The following ADCY8 variants were observed in gnomAD, a reference collection of about 807,000 sequenced individuals.
ADCY8 encodes adenylate cyclase type 8.
In ADCY8, 51 loss-of-function variants were observed where a neutral mutation model predicts 119.7. That is an observed-to-expected ratio of 0.43 (90% CI 0.34 to 0.54). ADCY8 has a LOEUF of 0.54. Among genes scored for constraint, ADCY8 ranks in the 20% least tolerant of loss-of-function variants. ADCY8 has a pLI of 0.03. For missense variants in ADCY8, 1,383 were observed against 1,598.8 expected (o/e 0.87, Z 2.30); for synonymous variants, 665 against 651.0 (o/e 1.02, Z -0.33).
intron 15 of ADCY8, among the ~76,000 whole-genome samples, chr8:130,790,537 C>T (rs1815393746): frequency 6.6e-6 from 1 of 152,218 alleles, no homozygotes; most frequent in Non-Finnish European, 1.5e-5. Flanking sequence ...CCCTCCTCAA[C>T]TTTCTAAATA....
At chr8:130,959,975 A>C (rs1821549288) in intron 2 of ADCY8, among the ~76,000 whole-genome samples, 1 of 152,194 alleles carries the variant, frequency 6.6e-6, no homozygotes, top group South Asian at 2.1e-4. Context: ...GATTTTTTTC[A>C]ACATCATTCC....
chr8:130,783,342 A>C (rs1815146163), intron 17 of ADCY8, among the ~76,000 whole-genome samples: 1 of 152,220 alleles, frequency 6.6e-6, no homozygotes, highest in Admixed American at 6.5e-5. Context: ...GCATTGAGCT[A>C]CCCAGGAGTC....
intron 1 of ADCY8, among the ~76,000 whole-genome samples, chr8:130,999,268 C>G (rs1822870553): frequency 6.6e-6 from 1 of 152,150 alleles, no homozygotes; most frequent in Non-Finnish European, 1.5e-5. Flanking sequence ...AGTTGTCACT[C>G]TGAGGTGAGA....
intron 5 of ADCY8, among the ~76,000 whole-genome samples, chr8:130,932,722 A>C (rs933827362): frequency 6.6e-6 from 1 of 152,164 alleles, no homozygotes; most frequent in Non-Finnish European, 1.5e-5. Flanking sequence ...GAATAATCAC[A>C]AGAGAGTCCT....
chr8:130,871,811 C>T (rs1818369112), intron 8 of ADCY8, among the ~76,000 whole-genome samples: 1 of 152,084 alleles, frequency 6.6e-6, no homozygotes, highest in Admixed American at 6.5e-5. Flanking sequence ...ATTCCCCTTG[C>T]TTCTTGAAAG....
chr8:130,818,576 T>C (rs902284529), intron 13 of ADCY8, among the ~76,000 whole-genome samples: 7 of 152,230 alleles, frequency 4.6e-5, no homozygotes, highest in Non-Finnish European at 1.0e-4. Flanking sequence ...AGATGTTTAA[T>C]TACACATGCC....
At chr8:130,910,410 G>A (rs1279882228) in intron 5 of ADCY8, among the ~76,000 whole-genome samples, 3 of 151,960 alleles carry the variant, frequency 2.0e-5, no homozygotes, top group Non-Finnish European at 2.9e-5. Flanking sequence ...TAGCCCTTCT[G>A]TGACTTAGTT....
intron 2 of ADCY8, among the ~76,000 whole-genome samples, chr8:130,961,680 C>G (rs1821611066): frequency 6.6e-6 from 1 of 152,134 alleles, no homozygotes; most frequent in Non-Finnish European, 1.5e-5. Context: ...ACTACAGATG[C>G]TTGGAAGACA....
intron 15 of ADCY8, among the ~76,000 whole-genome samples, chr8:130,798,701 A>G (rs1430408120): frequency 1.3e-5 from 2 of 152,144 alleles, no homozygotes; most frequent in African/African-American, 4.8e-5. Flanking sequence ...TGTCTAGGAG[A>G]GAAATAATAT....
intron 5 of ADCY8, among the ~76,000 whole-genome samples, chr8:130,928,649 A>G (rs899784501): frequency 5.3e-5 from 8 of 152,122 alleles, no homozygotes; most frequent in Admixed American, 3.3e-4. Flanking sequence ...GATCCCTTTA[A>G]TGTGCTGTTG....
intron 7 of ADCY8, among the ~76,000 whole-genome samples, chr8:130,893,907 TGTG>T (rs1208509935): frequency 6.6e-6 from 1 of 152,018 alleles, no homozygotes; most frequent in Non-Finnish European, 1.5e-5. Flanking sequence ...TGTGTGTGGT[TGTG>T]GTTGTGTTTT....
chr8:130,872,380 G>C (rs1818399489), intron 8 of ADCY8, among the ~76,000 whole-genome samples: 4 of 152,176 alleles, frequency 2.6e-5, no homozygotes, highest in Admixed American at 6.5e-5. Context: ...ATTGCAAATA[G>C]AGAATCCAGT....
chr8:130,810,501 G>A (rs913872860), intron 14 of ADCY8, among the ~76,000 whole-genome samples: 2 of 152,156 alleles, frequency 1.3e-5, no homozygotes, highest in Non-Finnish European at 2.9e-5. Flanking sequence ...CATAAAGAAA[G>A]TAGGGCATAC....
chr8:130,836,315 G>A lies in ADCY8; in HGVS notation c.2637C>T (p.Gly879=). ...YALLTETVYA[G]LFLRYDNLNH... is the part of the protein sequence containing the mutation. ...TGAGGTTGTCATAACGCAGAAAGAG[G>A]CCTGCGTAGACGGTCTCAGTGAGCA... Residue 879 remains glycine (G), a synonymous_variant, in exon 12 of 18, where the codon GGC becomes GGT. Transcript: ENST00000286355. 6.2e-7 allele frequency: 1 copy of A among 1,613,860 alleles called. No individual in the cohort carries two copies. The highest frequency in any genetic ancestry group is 8.5e-7 in the Non-Finnish European group (1 of 1,179,834).
intron 9 of ADCY8, among the ~76,000 whole-genome samples, chr8:130,864,774 C>T (rs1425147129): frequency 6.6e-6 from 1 of 152,024 alleles, no homozygotes; most frequent in Non-Finnish European, 1.5e-5. Flanking sequence ...TGCACATTGC[C>T]TACTTCTATT....
chr8:130,827,601 C>T (rs1363405284), intron 12 of ADCY8, among the ~76,000 whole-genome samples: 1 of 152,190 alleles, frequency 6.6e-6, no homozygotes, highest in African/African-American at 2.4e-5. Context: ...AGTTTCCTTT[C>T]TCTTCCTTTC....
intron 2 of ADCY8, among the ~76,000 whole-genome samples, chr8:130,983,015 C>T (rs1046042644): frequency 6.6e-6 from 1 of 152,134 alleles, no homozygotes; most frequent in African/African-American, 2.4e-5. Flanking sequence ...AACTGCCTCA[C>T]AAATATATGC....
At position 130,894,877 on chromosome 8, in the gene ADCY8, T is replaced by G. The variant is rs148247888; in HGVS notation, c.1911+8895A>C. On this transcript the variant is annotated intron_variant, in intron 7 of 17. Coordinates refer to ENST00000286355, the MANE Select transcript of ADCY8 (RefSeq NM_001115.3). ...TTGAAAAATGGGAATAAAAATTCAC[T>G]CACATCAAATGCAATTTTGCTTGGA... Among the ~76,000 whole-genome samples the G allele has an allele frequency of 8.3e-3, 1,268 of 152,244 alleles. 21 individuals carry two copies. Among genetic ancestry groups the G allele is most frequent in the African/African-American group, 0.029 (1,206 of 41,544 alleles).
At chr8:130,959,701 G>A (rs955551884) in intron 2 of ADCY8, among the ~76,000 whole-genome samples, 1 of 152,358 alleles carries the variant, frequency 6.6e-6, no homozygotes, top group African/African-American at 2.4e-5. Context: ...ATGCAAGCAT[G>A]TACAAATGTG....
Sources: gnomAD v4.1 joint callset for allele counts (sites outside exome capture counted in the v4.1 genomes callset) on GRCh38, gnomAD v4.1.1 for gene constraint, MANE v1.5 for transcripts, NCBI Gene and HGNC (gene_info 2026-07-23, HGNC 2026-07-21) for gene names.